The following SV2C variants were observed in gnomAD, a reference collection of about 807,000 sequenced individuals.
The protein encoded by SV2C is solute carrier family 22 member B3.
SV2C carries 49 observed loss-of-function variants against 79.7 expected under a neutral mutation model. That is an observed-to-expected ratio of 0.61 (90% confidence interval 0.49 to 0.78). The LOEUF is 0.78. Among genes scored for constraint, SV2C ranks in the 30% least tolerant of loss-of-function variants. The pLI is 0.00. For synonymous variants in SV2C, 334 were observed against 333.2 expected (o/e 1.00, Z -0.03); for missense variants, 833 against 912.9 (o/e 0.91, Z 1.13).
chr5:76,061,801 T>C, the SV2C span, among the ~76,000 whole-genome samples: 1 of 152,150 alleles, frequency 6.6e-6, no homozygotes, highest in Admixed American at 6.6e-5. Flanking sequence ...ACTGTGTTCA[T>C]TCATTTGAAA....
At chr5:76,034,040 C>T in the SV2C span, among the ~76,000 whole-genome samples, 2 of 119,654 alleles carry the variant, frequency 1.7e-5, no homozygotes, top group Admixed American at 8.3e-5. Flanking sequence ...CATGATTTGG[C>T]TCTCTGTTTG....
intron 4 of SV2C, among the ~76,000 whole-genome samples, chr5:76,257,858 G>A (rs924704775): frequency 6.6e-6 from 1 of 150,750 alleles, no homozygotes; most frequent in Non-Finnish European, 1.5e-5. Context: ...GGTGTATGTG[G>A]TGTGTGTGTG....
intron 8 of SV2C, among the ~76,000 whole-genome samples, chr5:76,295,334 C>T (rs554067208): frequency 2.0e-5 from 3 of 152,194 alleles, no homozygotes; most frequent in South Asian, 2.1e-4. Flanking sequence ...GCAGCACCCT[C>T]GCACCTCTTT....
At chr5:76,089,809 G>A (rs1747312110) in intron 1 of SV2C, among the ~76,000 whole-genome samples, 1 of 152,130 alleles carries the variant, frequency 6.6e-6, no homozygotes, top group South Asian at 2.1e-4. Flanking sequence ...CCATGAACAA[G>A]TTTCTTAACC....
the SV2C span, among the ~76,000 whole-genome samples, chr5:76,012,623 G>A: frequency 6.6e-6 from 1 of 152,104 alleles, no homozygotes; most frequent in East Asian, 1.9e-4. Context: ...GATCCCATTT[G>A]TCAATTTTGG....
At chr5:76,286,018 T>A in intron 6 of SV2C, 148 bp downstream of exon 6, 1 of 603,750 alleles carries the variant, frequency 1.7e-6, no homozygotes, top group Non-Finnish European at 2.8e-6. Context: ...AAAGCAGCCA[T>A]AGGCAATGTT....
intron 2 of SV2C, among the ~76,000 whole-genome samples, chr5:76,185,633 CTT>C (rs1743890616): frequency 6.6e-6 from 1 of 152,258 alleles, no homozygotes; most frequent in African/African-American, 2.4e-5. Context: ...AATCTGGACT[CTT>C]TTAGCCATAG....
At chr5:75,875,651 TGA>T in the SV2C span, among the ~76,000 whole-genome samples, 1 of 151,966 alleles carries the variant, frequency 6.6e-6, no homozygotes, top group Middle Eastern at 3.4e-3. Flanking sequence ...GCCTACAGAA[TGA>T]GAGAATTTTG....
At chr5:75,955,511 A>G in the SV2C span, among the ~76,000 whole-genome samples, 2 of 149,444 alleles carry the variant, frequency 1.3e-5, no homozygotes, top group African/African-American at 2.5e-5. Flanking sequence ...TAAAACACCA[A>G]AAGCAATGGC....
rs553883859 is a variant in SV2C at position 76,132,056 on chromosome 5, G to T, written c.306G>T (p.Ala102=). 1.9e-5 allele frequency: 31 copies of T among 1,611,832 alleles called. No individual in the cohort carries two copies. The highest frequency in any genetic ancestry group is 2.5e-5 in the Non-Finnish European group (29 of 1,178,600). ...EYQGIPSMNQ[A]KDSIVSVGQP... ...AGGGCATCCCCAGTATGAACCAAGCGAAGGACAGCATCGTGTCAGTGGGGC... is the reference window on the plus strand; with the variant it reads ...AGGGCATCCCCAGTATGAACCAAGCTAAGGACAGCATCGTGTCAGTGGGGC... The change falls in exon 2 of 13, where the codon GCG becomes GCT. Residue 102 remains alanine (A), a synonymous_variant. Transcript: ENST00000502798.
At chr5:76,339,115 A>G (rs541947294) in intron 12 of SV2C, among the ~76,000 whole-genome samples, 1 of 152,302 alleles carries the variant, frequency 6.6e-6, no homozygotes, top group Non-Finnish European at 1.5e-5. Flanking sequence ...AAGAAAAATA[A>G]TACAAAATTA....
At chr5:75,928,983 A>G in the SV2C span, among the ~76,000 whole-genome samples, 1 of 152,168 alleles carries the variant, frequency 6.6e-6, no homozygotes, top group Non-Finnish European at 1.5e-5. Context: ...CTGCCTGCAT[A>G]GAGAGGAACC....
intron 3 of SV2C, among the ~76,000 whole-genome samples, chr5:76,199,675 A>G (rs1412663970): frequency 6.6e-6 from 1 of 152,264 alleles, no homozygotes; most frequent in African/African-American, 2.4e-5. Context: ...GTGGAGTTCA[A>G]GCAGCAACCA....
the SV2C span, among the ~76,000 whole-genome samples, chr5:75,961,703 C>A: frequency 6.6e-6 from 1 of 151,772 alleles, no homozygotes; most frequent in Non-Finnish European, 1.5e-5. Context: ...CTTCTCTCTG[C>A]AATGTAAAGA....
chr5:76,217,707 A>G (rs1744944281), intron 4 of SV2C, among the ~76,000 whole-genome samples: 1 of 152,164 alleles, frequency 6.6e-6, no homozygotes, highest in Non-Finnish European at 1.5e-5. Flanking sequence ...AGGAACTAAA[A>G]AGCATAAACC....
At chr5:76,178,325 C>T (rs943375978) in intron 2 of SV2C, among the ~76,000 whole-genome samples, 4 of 152,220 alleles carry the variant, frequency 2.6e-5, no homozygotes, top group African/African-American at 9.6e-5. Flanking sequence ...CTGTGTTGTA[C>T]AGTCACCAAA....
chr5:75,937,412 G>A, the SV2C span, among the ~76,000 whole-genome samples: 2 of 151,964 alleles, frequency 1.3e-5, no homozygotes, highest in South Asian at 2.1e-4. Context: ...GTCAAAAAAC[G>A]AGCCCTGGCT....
the SV2C span, among the ~76,000 whole-genome samples, chr5:75,985,392 C>G: frequency 1.1e-4 from 17 of 151,888 alleles, no homozygotes; most frequent in Admixed American, 3.9e-4. Flanking sequence ...ACAGAGAAAC[C>G]GTATCCAACC....
the SV2C span, among the ~76,000 whole-genome samples, chr5:76,044,316 T>C: frequency 6.6e-6 from 1 of 152,234 alleles, no homozygotes; most frequent in East Asian, 1.9e-4. Flanking sequence ...ATTATTGATG[T>C]GCATTTGGGT....
Sources: gnomAD v4.1 joint callset for allele counts (sites outside exome capture counted in the v4.1 genomes callset) on GRCh38, gnomAD v4.1.1 for gene constraint, MANE v1.5 for transcripts, NCBI Gene and HGNC (gene_info 2026-07-23, HGNC 2026-07-21) for gene names.